The following CSGALNACT1 variants were observed in gnomAD, a reference collection of about 807,000 sequenced individuals.
The protein encoded by CSGALNACT1 is chondroitin sulfate N-acetylgalactosaminyltransferase 1.
A neutral mutation model predicts 51.0 loss-of-function variants in CSGALNACT1; 52 were observed. That is an observed-to-expected ratio of 1.02 (90% CI 0.82 to 1.29). CSGALNACT1 has a LOEUF of 1.29. Ranked by LOEUF, CSGALNACT1 falls within the 50% of genes most tolerant of loss-of-function variation. The pLI, the probability that CSGALNACT1 is intolerant of heterozygous loss-of-function variation, is 0.00. For synonymous variants in CSGALNACT1, 341 were observed against 254.4 expected (o/e 1.34, Z -3.24); for missense variants, 935 against 679.2 (o/e 1.38, Z -4.19).
intron 2 of CSGALNACT1, among the ~76,000 whole-genome samples, chr8:19,593,288 C>A (rs1006529511): frequency 2.0e-5 from 3 of 152,296 alleles, no homozygotes; most frequent in African/African-American, 7.2e-5. Flanking sequence ...AAGTGATGTG[C>A]AGGAACAGTG....
intron 3 of CSGALNACT1, among the ~76,000 whole-genome samples, chr8:19,547,973 C>T (rs547077566): frequency 3.4e-4 from 52 of 152,262 alleles, no homozygotes; most frequent in African/African-American, 1.1e-3. Context: ...TAAGTTCCCA[C>T]CATATTCCCG....
intron 1 of CSGALNACT1, among the ~76,000 whole-genome samples, chr8:19,698,989 C>T (rs180863953): frequency 5.2e-4 from 79 of 152,230 alleles, no homozygotes; most frequent in Admixed American, 1.2e-3. Context: ...TAATACCTGA[C>T]GCAATGTAAA....
At chr8:19,439,758 G>A (rs937291129) in intron 6 of CSGALNACT1, 72 bp downstream of exon 5, 5 of 1,153,272 alleles carry the variant, frequency 4.3e-6, no homozygotes, top group Non-Finnish European at 6.5e-6. Flanking sequence ...TTAAGCAGAA[G>A]TTTCAGCCTT....
intron 1 of CSGALNACT1, among the ~76,000 whole-genome samples, chr8:19,656,482 C>A (rs144865052): frequency 6.6e-6 from 1 of 151,748 alleles, no homozygotes; most frequent in East Asian, 1.9e-4. Flanking sequence ...CGATCTTGAC[C>A]TCAAAGAGGC....
intron 2 of CSGALNACT1, among the ~76,000 whole-genome samples, chr8:19,595,810 C>G (rs906167675): frequency 7.2e-5 from 11 of 151,756 alleles, no homozygotes; most frequent in Non-Finnish European, 1.3e-4. Context: ...CCAGACTTCT[C>G]TGCACAACTC....
chr8:19,452,823 C>A (rs2063432662), intron 5 of CSGALNACT1, among the ~76,000 whole-genome samples: 1 of 152,024 alleles, frequency 6.6e-6, no homozygotes, highest in Non-Finnish European at 1.5e-5. Context: ...CATATCCATC[C>A]CAGGGCTCAG....
At chr8:19,745,998 T>C (rs1490982654) in intron 1 of CSGALNACT1, among the ~76,000 whole-genome samples, 1 of 152,158 alleles carries the variant, frequency 6.6e-6, no homozygotes, top group Non-Finnish European at 1.5e-5. Flanking sequence ...TCAGACTTGG[T>C]GATCTGGTTA....
At position 19,583,043 on chromosome 8, in the gene CSGALNACT1, G is replaced by A. The variant is rs73670903; in HGVS notation, c.-297+8117C>T. Among the ~76,000 whole-genome samples the A allele has an allele frequency of 6.8e-3, 1,038 of 152,172 alleles. 13 individuals carry two copies. Among genetic ancestry groups the A allele is most frequent in the African/African-American group, 0.024 (992 of 41,510 alleles). On this transcript the variant is annotated intron_variant, in intron 3 of 9. Transcript: ENST00000454498. ...GTCAGGGACACATATATACACTGGA[G>A]AAAAAAATTCTTTTTCTTTTTACAC...
chr8:19,492,055 G>C (rs575016699), intron 4 of CSGALNACT1, among the ~76,000 whole-genome samples: 27 of 152,324 alleles, frequency 1.8e-4, no homozygotes, highest in African/African-American at 6.3e-4. Context: ...GTTCAGCCAT[G>C]AACTTGAAAA....
At chr8:19,555,252 A>G (rs1000675198) in intron 3 of CSGALNACT1, among the ~76,000 whole-genome samples, 1 of 152,126 alleles carries the variant, frequency 6.6e-6, no homozygotes, top group African/African-American at 2.4e-5. Flanking sequence ...AAAATTAAAA[A>G]AAAGAAAAGA....
intron 3 of CSGALNACT1, among the ~76,000 whole-genome samples, chr8:19,516,113 T>A (rs1304988636): frequency 1.3e-5 from 2 of 152,058 alleles, no homozygotes; most frequent in Non-Finnish European, 2.9e-5. Context: ...TCCAACACCC[T>A]CCCCTCGTTC....
chr8:19,573,035 G>T (rs1040198107), intron 3 of CSGALNACT1, among the ~76,000 whole-genome samples: 1 of 152,130 alleles, frequency 6.6e-6, no homozygotes, highest in Admixed American at 6.5e-5. Context: ...ATACACAGGG[G>T]ACAAAGGATG....
At chr8:19,639,463 T>C (rs991677193) in intron 1 of CSGALNACT1, among the ~76,000 whole-genome samples, 3 of 152,212 alleles carry the variant, frequency 2.0e-5, no homozygotes, top group South Asian at 2.1e-4. Flanking sequence ...AAAGAGTTGC[T>C]AAAATCTACT....
chr8:19,488,113 G>A (rs1348233304), intron 4 of CSGALNACT1, among the ~76,000 whole-genome samples: 1 of 151,990 alleles, frequency 6.6e-6, no homozygotes, highest in Non-Finnish European at 1.5e-5. Context: ...ACTTTGGGAG[G>A]ACGAGGTGGG....
chr8:19,497,900 G>C (rs955268511), intron 4 of CSGALNACT1, among the ~76,000 whole-genome samples: 8 of 152,040 alleles, frequency 5.3e-5, no homozygotes, highest in African/African-American at 1.2e-4. Flanking sequence ...ACATACCTAA[G>C]ACCGGGAAGC....
chr8:19,489,229 T>C (rs945063332), intron 4 of CSGALNACT1, among the ~76,000 whole-genome samples: 4 of 152,102 alleles, frequency 2.6e-5, no homozygotes, highest in Non-Finnish European at 5.9e-5. Context: ...TACAAATAAA[T>C]TGCCCTTCTA....
At chr8:19,568,907 A>G (rs2042438655) in intron 3 of CSGALNACT1, among the ~76,000 whole-genome samples, 2 of 152,322 alleles carry the variant, frequency 1.3e-5, no homozygotes, top group African/African-American at 4.8e-5. Context: ...AACAGATCAA[A>G]CATCCAACCA....
intron 8 of CSGALNACT1, among the ~76,000 whole-genome samples, chr8:19,413,745 G>A (rs931100058): frequency 2.0e-5 from 3 of 152,270 alleles, no homozygotes; most frequent in East Asian, 3.9e-4. Flanking sequence ...TTTAACTGAC[G>A]GGTAAGACCA....
chr8:19,727,567 T>A (rs2063472080), intron 1 of CSGALNACT1, among the ~76,000 whole-genome samples: 1 of 152,206 alleles, frequency 6.6e-6, no homozygotes, highest in Non-Finnish European at 1.5e-5. Context: ...CCCAGGCTGG[T>A]CTCGAACTCC....
Sources: allele counts gnomAD v4.1 joint callset (sites outside exome capture counted in the v4.1 genomes callset), GRCh38; gene constraint gnomAD v4.1.1; transcripts MANE v1.5; gene names NCBI Gene and HGNC (gene_info 2026-07-23, HGNC 2026-07-21).